AGBL4: variants seen among roughly 807,000 people sequenced by gnomAD.
AGBL4 encodes the protein cytosolic carboxypeptidase 6.
Under a neutral mutation model 66.4 loss-of-function variants are expected in AGBL4, and 58 were observed. That is an observed-to-expected ratio of 0.87 (90% CI 0.71 to 1.09). AGBL4 has a LOEUF of 1.09. AGBL4 is among the 50% of genes least tolerant of loss of function. The probability of loss-of-function intolerance (pLI) is 0.00; values close to 1 mark genes in which losing one functional copy is unlikely to be tolerated. For synonymous variants in AGBL4, 234 were observed against 222.9 expected, an observed-to-expected ratio of 1.05 and a Z score of -0.44; for missense variants, 579 against 631.0, an observed-to-expected ratio of 0.92 and a Z score of 0.88.
intron 5 of AGBL4, among the ~76,000 whole-genome samples, chr1:48,983,475 G>T (rs1413515291): frequency 1.3e-5 from 2 of 152,168 alleles, no homozygotes; most frequent in Admixed American, 1.3e-4. Flanking sequence ...GGGACATCTG[G>T]ACCTTGCTCA....
At chr1:49,734,819 T>A (rs988031734) in intron 2 of AGBL4, among the ~76,000 whole-genome samples, 6 of 117,800 alleles carry the variant, frequency 5.1e-5, no homozygotes, top group Non-Finnish European at 1.1e-4. Context: ...CAAAAAATTT[T>A]AAAAATAATA....
chr1:49,134,065 T>C (rs754033358), intron 4 of AGBL4, among the ~76,000 whole-genome samples: 3 of 151,862 alleles, frequency 2.0e-5, no homozygotes, highest in Non-Finnish European at 2.9e-5. Context: ...GCTGGATGTC[T>C]GGGGGAGACA....
chr1:49,598,414 T>G (rs1644890251), intron 3 of AGBL4, among the ~76,000 whole-genome samples: 1 of 152,232 alleles, frequency 6.6e-6, no homozygotes, highest in Non-Finnish European at 1.5e-5. Flanking sequence ...CCTTTCTATT[T>G]GTTAGTTTTC....
intron 6 of AGBL4, among the ~76,000 whole-genome samples, chr1:48,773,438 C>A (rs1470683189): frequency 1.3e-5 from 2 of 151,964 alleles, no homozygotes; most frequent in Admixed American, 6.6e-5. Flanking sequence ...AGAGGGACAG[C>A]CTTAGTGAAG....
intron 1 of AGBL4, among the ~76,000 whole-genome samples, chr1:49,875,049 T>C (rs370087789): frequency 5.4e-5 from 8 of 147,130 alleles, no homozygotes; most frequent in African/African-American, 1.2e-4. Flanking sequence ...TTGTTCAATT[T>C]CCACCTATGA....
At chr1:49,979,997 C>T (rs555159139) in intron 1 of AGBL4, among the ~76,000 whole-genome samples, 1 of 152,130 alleles carries the variant, frequency 6.6e-6, no homozygotes. Context: ...AATGTATTTT[C>T]TCTTCCTTAT....
chr1:49,871,332 C>G (rs950164577), intron 1 of AGBL4, among the ~76,000 whole-genome samples: 1 of 151,856 alleles, frequency 6.6e-6, no homozygotes, highest in African/African-American at 2.4e-5. Context: ...TAATTGGCCC[C>G]ATGATGTATT....
intron 8 of AGBL4, among the ~76,000 whole-genome samples, chr1:48,646,965 G>C (rs1464576701): frequency 2.0e-5 from 3 of 152,122 alleles, no homozygotes; most frequent in Non-Finnish European, 4.4e-5. Flanking sequence ...CATATTTCTA[G>C]TGGAAACACT....
At chr1:49,082,212 T>C (rs1001681311) in intron 4 of AGBL4, among the ~76,000 whole-genome samples, 2 of 152,294 alleles carry the variant, frequency 1.3e-5, no homozygotes. Context: ...AGACACCCAT[T>C]CCTAAGTTAC....
intron 1 of AGBL4, among the ~76,000 whole-genome samples, chr1:49,951,516 C>T (rs940872585): frequency 5.3e-5 from 8 of 151,910 alleles, no homozygotes; most frequent in Non-Finnish European, 8.8e-5. Flanking sequence ...TAGATTGGCA[C>T]CACCCTTGTT....
rs181095403 is a variant in AGBL4, at chr1:49,570,110, G to C, written c.282+127203C>G. Among the ~76,000 whole-genome samples, 28 of 152,184 alleles carry C rather than the reference G, an allele frequency of 1.8e-4. No individual in the cohort carries two copies. In the East Asian group the frequency reaches 5.0e-3, roughly 27 times the overall value. On this transcript the variant is annotated intron_variant, in intron 3 of 13. Transcript: ENST00000371839. ...TGCATACTCACTAGTGGAACTGCTG[G>C]ATCAAATGGTAGTTCTATTTTTAGT...
chr1:49,629,818 C>A (rs1339027651), intron 3 of AGBL4, among the ~76,000 whole-genome samples: 2 of 152,050 alleles, frequency 1.3e-5, no homozygotes, highest in Non-Finnish European at 2.9e-5. Flanking sequence ...ACATGGCCAC[C>A]TCTTCTATTA....
chr1:48,925,746 A>T (rs1654498677), intron 5 of AGBL4, among the ~76,000 whole-genome samples: 1 of 152,186 alleles, frequency 6.6e-6, no homozygotes, highest in Non-Finnish European at 1.5e-5. Context: ...GAACTTACGG[A>T]TATGGAGGGC....
chr1:48,869,020 G>A (rs771122306), intron 5 of AGBL4, among the ~76,000 whole-genome samples: 1 of 152,004 alleles, frequency 6.6e-6, no homozygotes, highest in South Asian at 2.1e-4. Context: ...TCTCCTCAGG[G>A]TCACCCTCCT....
intron 11 of AGBL4, among the ~76,000 whole-genome samples, chr1:48,566,490 C>T (rs555222983): frequency 1.3e-5 from 2 of 152,308 alleles, no homozygotes; most frequent in South Asian, 4.1e-4. Flanking sequence ...ACTCTGAAAC[C>T]AAAAGACTTT....
chr1:49,988,411 T>C (rs573578922), intron 1 of AGBL4, among the ~76,000 whole-genome samples: 1 of 152,308 alleles, frequency 6.6e-6, no homozygotes, highest in Non-Finnish European at 1.5e-5. Flanking sequence ...TCAGTCGTTT[T>C]ATTTTCCCTA....
chr1:49,867,014 C>T (rs547762467), intron 1 of AGBL4, among the ~76,000 whole-genome samples: 6 of 152,056 alleles, frequency 3.9e-5, no homozygotes, highest in Admixed American at 2.0e-4. Context: ...ATGTTGTTTC[C>T]TTCTAGATTT....
At chr1:48,760,944 G>A (rs1644226267) in intron 6 of AGBL4, 1 of 163,454 alleles carries the variant, frequency 6.1e-6, no homozygotes, top group Non-Finnish European at 1.3e-5. Context: ...AATGAGTCCA[G>A]CCTTAGCTAT....
chr1:49,337,065 A>G (rs570562419), intron 3 of AGBL4, among the ~76,000 whole-genome samples: 1 of 152,274 alleles, frequency 6.6e-6, no homozygotes, highest in African/African-American at 2.4e-5. Context: ...AAAGTTCAGC[A>G]AGTACTTTGC....
Sources: gnomAD v4.1 joint callset for allele counts (sites outside exome capture counted in the v4.1 genomes callset) on GRCh38, gnomAD v4.1.1 for gene constraint, MANE v1.5 for transcripts, NCBI Gene and HGNC (gene_info 2026-07-23, HGNC 2026-07-21) for gene names.